Variants in NDUFC1 observed in about 807,000 individuals in gnomAD.
NDUFC1 encodes the protein NADH:ubiquinone oxidoreductase subunit C1.
In NDUFC1, 11 loss-of-function variants were observed where a neutral mutation model predicts 11.6. That is an observed-to-expected ratio of 0.95 (90% CI 0.60 to 1.58). NDUFC1 has a LOEUF of 1.58. Among genes scored for constraint, NDUFC1 ranks in the 40% most tolerant of loss-of-function variants. NDUFC1 has a pLI of 0.00. For synonymous variants in NDUFC1, 52 were observed against 42.2 expected, an observed-to-expected ratio of 1.23 and a Z score of -0.90; for missense variants, 112 against 93.0, an observed-to-expected ratio of 1.20 and a Z score of -0.84.
rs1579070976 is a variant in NDUFC1, at chr4:139,301,286, A to G, written c.-222+1130T>C. 3 of 377,508 alleles carry G rather than the reference A, an allele frequency of 7.9e-6. No homozygotes were observed. The South Asian group carries it at 3.1e-4, about 38-fold the overall frequency. The allele number at this position is 377,508 out of a possible 1,614,324, so 23.4% of individuals were successfully genotyped here. A position where few individuals can be genotyped will look rare whatever the true frequency, so the allele number is the denominator to read the frequency against. On this transcript the variant is annotated intron_variant, in intron 1 of 5. Coordinates refer to ENST00000394223, the MANE Select transcript of NDUFC1 (RefSeq NM_001184989.2). ...TTGATGAGGAGGCGGTCTGAACCGT[A>G]CTTGCCTAGCCTCCCGTAGCTCCGC...
chr4:139,294,892 A>G (rs536464713), intron 4 of NDUFC1, 151 bp downstream of exon 4: 1 of 561,682 alleles, frequency 1.8e-6, no homozygotes, highest in Admixed American at 3.0e-5. Flanking sequence ...CTCTTATGGA[A>G]AAATACGTAT....
chr4:139,301,915 C>T, intron 1 of NDUFC1: 1 of 1,431,496 alleles, frequency 7.0e-7, no homozygotes, highest in Non-Finnish European at 9.5e-7. Context: ...CCGGCGGGCA[C>T]TGAGCCACTC....
chr4:139,294,996 T>C, intron 4 of NDUFC1, 47 bp downstream of exon 4: 1 of 1,429,520 alleles, frequency 7.0e-7, no homozygotes, highest in East Asian at 2.3e-5. Flanking sequence ...TGTCATTCCC[T>C]TACCACGCTG....
chr4:139,301,977 G>A (rs1420545943), intron 1 of NDUFC1: 7 of 845,022 alleles, frequency 8.3e-6, no homozygotes, highest in Non-Finnish European at 1.3e-5. Context: ...GCATTGCTTT[G>A]CTCCCTCTCT....
At chr4:139,291,968 C>CT (rs982256392) in intron 5 of NDUFC1, among the ~76,000 whole-genome samples, 24 of 151,838 alleles carry the variant, frequency 1.6e-4, no homozygotes, top group Non-Finnish European at 2.9e-4. Context: ...TCGCGAGTAG[C>CT]TGAGACTACA....
At chr4:139,301,851 C>T (rs764056821) in intron 1 of NDUFC1, 1 of 1,580,642 alleles carries the variant, frequency 6.3e-7, no homozygotes, top group Non-Finnish European at 8.6e-7. Flanking sequence ...AGGCTCCGGG[C>T]AAGCGGTGGG....
intron 5 of NDUFC1, among the ~76,000 whole-genome samples, chr4:139,291,195 A>G (rs1745200007): frequency 6.6e-6 from 1 of 151,910 alleles, no homozygotes; most frequent in Non-Finnish European, 1.5e-5. Flanking sequence ...TCTTGTTCAT[A>G]ACTAGGTTTT....
In NDUFC1 at chr4:139,295,855, G is replaced by GCT; in HGVS notation, c.-58_-57insAG. The GCT allele has an allele frequency of 6.6e-7, 1 of 1,522,850 alleles. No individual in the cohort carries two copies. Among genetic ancestry groups the GCT allele is most frequent in the Non-Finnish European group, 8.8e-7 (1 of 1,131,716 alleles). 94.3% of individuals were successfully genotyped at this position (1,522,850 alleles called of 1,614,324 possible). A position where few individuals can be genotyped will look rare whatever the true frequency, so the allele number is the denominator to read the frequency against. On this transcript the variant is annotated 5_prime_UTR_variant, in exon 3 of 6. Coordinates refer to ENST00000394223, the MANE Select transcript of NDUFC1 (RefSeq NM_001184989.2). Reference sequence around the variant, plus strand: ...GGCAACAGAACCAGCGCCACCTGGCGGCCGGAAGTGCGGGACTCGAGGGCT... The same window carrying GCT: ...GGCAACAGAACCAGCGCCACCTGGCGCTGCCGGAAGTGCGGGACTCGAGGGCT...
intron 1 of NDUFC1, among the ~76,000 whole-genome samples, chr4:139,299,858 C>A (rs940560866): frequency 5.9e-5 from 9 of 152,284 alleles, no homozygotes; most frequent in Non-Finnish European, 8.8e-5. Context: ...CAGAAATTTT[C>A]TTCCTCTGAA....
intron 5 of NDUFC1, among the ~76,000 whole-genome samples, chr4:139,291,203 T>C (rs1042626174): frequency 1.3e-5 from 2 of 151,932 alleles, no homozygotes; most frequent in Admixed American, 6.6e-5. Flanking sequence ...ATAACTAGGT[T>C]TTTTACCAGG....
At chr4:139,299,267 CTT>C (rs573787290) in intron 1 of NDUFC1, among the ~76,000 whole-genome samples, 9 of 140,558 alleles carry the variant, frequency 6.4e-5, no homozygotes, top group Non-Finnish European at 7.8e-5. Context: ...CAAGCCCAGC[CTT>C]TTTTTTTTTT....
Position 139,297,422 on chromosome 4 carries a change from C to G in NDUFC1, c.-200G>C, listed in dbSNP as rs913545428. 1 of 152,084 alleles carries G rather than the reference C, an allele frequency of 6.6e-6. No homozygotes were observed. Among genetic ancestry groups the G allele is most frequent in the Non-Finnish European group, 1.5e-5 (1 of 68,018 alleles). 9.4% of individuals were successfully genotyped at this position (152,084 alleles called of 1,614,324 possible). On this transcript the variant is annotated 5_prime_UTR_variant, in exon 2 of 6. Coordinates refer to ENST00000394223, the MANE Select transcript of NDUFC1 (RefSeq NM_001184989.2). ...GATGGGAACTGTACACTTGGAGTAC[C>G]CAGCTGTATGTGAAACTGCATCTAG... is the stretch of plus-strand genomic sequence containing the variant.
intron 1 of NDUFC1, among the ~76,000 whole-genome samples, chr4:139,299,033 G>C (rs1045158922): frequency 6.6e-6 from 1 of 151,616 alleles, no homozygotes; most frequent in African/African-American, 2.4e-5. Context: ...GCAGTGGTGC[G>C]ATCTTGGCTC....
In NDUFC1 at chr4:139,295,094, G is replaced by A. The variant is rs139204451; in HGVS notation, c.120C>T (p.Asp40=). 77 of 1,614,204 alleles carry A rather than the reference G, an allele frequency of 4.8e-5. No homozygotes were observed. In the African/African-American group the frequency reaches 9.9e-4, roughly 21 times the overall value. Residue 40 remains aspartate, a synonymous_variant, in exon 4 of 6, where the codon GAC becomes GAT. Transcript: ENST00000394223. ...YVREPPNAKP[D]WLKVGFTLGT... is the part of the protein sequence containing the mutation. Reference sequence around the variant, plus strand: ...CCAAGGTGAACCCAACTTTCAGCCAGTCAGGTTTGGCATTCGGCGGCTCTC... The same window carrying A: ...CCAAGGTGAACCCAACTTTCAGCCAATCAGGTTTGGCATTCGGCGGCTCTC...
rs1462283259 is a variant in NDUFC1, at chr4:139,294,238, C to T, written c.171+805G>A. Among the ~76,000 whole-genome samples the T allele has an allele frequency of 4.6e-5, 7 of 151,732 alleles. No homozygotes were observed. The South Asian group carries it at 1.0e-3, about 23-fold the overall frequency. On this transcript the variant is annotated intron_variant, in intron 4 of 5. Coordinates refer to ENST00000394223, the MANE Select transcript of NDUFC1 (RefSeq NM_001184989.2). ...GATTACAGGTGTGAGCCACCACGTC[C>T]GGCCTGAAAATTTTTTTAAAAAGGT...
chr4:139,296,447 A>T (rs776957838), intron 2 of NDUFC1: 2 of 152,172 alleles, frequency 1.3e-5, no homozygotes, highest in Non-Finnish European at 2.9e-5. Flanking sequence ...AGGTCTTCTG[A>T]CTCCAGATCT....
At chr4:139,295,586 G>A (rs779986505) in intron 3 of NDUFC1, 146 bp downstream of exon 3, 24 of 804,984 alleles carry the variant, frequency 3.0e-5, no homozygotes, top group South Asian at 5.6e-5. Flanking sequence ...TAGGGGACAG[G>A]CGTGGGCTGG....
chr4:139,290,888 A>AC (rs1745183245), intron 5 of NDUFC1, among the ~76,000 whole-genome samples: 3 of 151,854 alleles, frequency 2.0e-5, no homozygotes, highest in Non-Finnish European at 4.4e-5. Flanking sequence ...GCAACCTCCC[A>AC]GCCTCTGCCT....
At position 139,295,716 on chromosome 4, in the gene NDUFC1, CGAG is replaced by C. The variant is rs557250549; in HGVS notation, c.67+13_67+15del. On this transcript the variant is annotated intron_variant, in intron 3 of 5. Transcript: ENST00000394223. ...AATCTGAGGGTCGAGTCGGCCTGCA[CGAG>C]GAGGATACTCACGGCCGCTCGGGAG... is the stretch of plus-strand genomic sequence containing the variant. 674 of 1,540,128 alleles carry C rather than the reference CGAG, an allele frequency of 4.4e-4. 2 individuals are homozygous for C. In the African/African-American group the frequency reaches 4.9e-3, roughly 11 times the overall value.
Sources: gnomAD v4.1 joint callset for allele counts (sites outside exome capture counted in the v4.1 genomes callset) on GRCh38, gnomAD v4.1.1 for gene constraint, MANE v1.5 for transcripts, NCBI Gene and HGNC (gene_info 2026-07-23, HGNC 2026-07-21) for gene names.